Variants in FOXP2 observed in about 807,000 individuals in gnomAD.
FOXP2 encodes forkhead box protein P2.
In FOXP2, 12 loss-of-function variants were observed where a neutral mutation model predicts 115.8. The observed-to-expected ratio is 0.10, with a 90% confidence interval of 0.07 to 0.17. FOXP2 has a LOEUF of 0.17. FOXP2 is among the 10% of genes least tolerant of loss of function. FOXP2 has a pLI of 1.00. For synonymous variants in FOXP2, 328 were observed against 297.7 expected, an observed-to-expected ratio of 1.10 and a Z score of -1.05; for missense variants, 629 against 843.5, an observed-to-expected ratio of 0.75 and a Z score of 3.15.
At chr7:114,485,317 A>G (rs1206396040) in intron 2 of FOXP2, among the ~76,000 whole-genome samples, 1 of 151,948 alleles carries the variant, frequency 6.6e-6, no homozygotes, top group African/African-American at 2.4e-5. Flanking sequence ...AAAACTTCAT[A>G]TTGCTATATT....
At chr7:114,276,366 T>C (rs1477591935) in intron 1 of FOXP2, among the ~76,000 whole-genome samples, 1 of 152,142 alleles carries the variant, frequency 6.6e-6, no homozygotes, top group Non-Finnish European at 1.5e-5. Context: ...GGTTTCATCA[T>C]GTTGGCCAGG....
At chr7:114,663,408 T>C in intron 14 of FOXP2, 42 bp from the exon 15 acceptor site, 2 of 1,376,530 alleles carry the variant, frequency 1.5e-6, no homozygotes, top group Non-Finnish European at 1.0e-6. Flanking sequence ...CCACGTTTTA[T>C]ATTTTGACGT....
intron 1 of FOXP2, among the ~76,000 whole-genome samples, chr7:114,276,371 G>T (rs532903403): frequency 1.3e-5 from 2 of 152,020 alleles, no homozygotes; most frequent in South Asian, 4.2e-4. Context: ...CATCATGTTG[G>T]CCAGGCTGGT....
At chr7:114,432,328 C>A (rs756852969) in intron 2 of FOXP2, among the ~76,000 whole-genome samples, 1 of 151,980 alleles carries the variant, frequency 6.6e-6, no homozygotes, top group Non-Finnish European at 1.5e-5. Context: ...GCAAAACTCT[C>A]ATGCAAATTT....
chr7:114,202,199 G>A (rs1794085576), intron 1 of FOXP2, among the ~76,000 whole-genome samples: 1 of 152,190 alleles, frequency 6.6e-6, no homozygotes, highest in African/African-American at 2.4e-5. Context: ...ATGATATTTG[G>A]TTGAGGCTGC....
At chr7:114,517,443 T>G (rs1798401277) in intron 2 of FOXP2, among the ~76,000 whole-genome samples, 1 of 152,182 alleles carries the variant, frequency 6.6e-6, no homozygotes, top group Non-Finnish European at 1.5e-5. Context: ...AACTTTCCCC[T>G]TGTATTTTCT....
chr7:114,281,291 G>A (rs981355805), intron 1 of FOXP2, among the ~76,000 whole-genome samples: 1 of 151,480 alleles, frequency 6.6e-6, no homozygotes, highest in Non-Finnish European at 1.5e-5. Context: ...TATTAGAGAC[G>A]GAGTTTCACC....
At chr7:114,545,540 T>C (rs1183092247) in intron 3 of FOXP2, among the ~76,000 whole-genome samples, 1 of 152,180 alleles carries the variant, frequency 6.6e-6, no homozygotes, top group African/African-American at 2.4e-5. Context: ...TCAGTATATA[T>C]CTGCTACGCT....
At chr7:114,297,925 T>A (rs1796782793) in intron 2 of FOXP2, among the ~76,000 whole-genome samples, 1 of 152,206 alleles carries the variant, frequency 6.6e-6, no homozygotes, top group African/African-American at 2.4e-5. Context: ...CCAGTGCCGT[T>A]ATATTGTATA....
chr7:114,415,272 G>A lies in FOXP2; in HGVS notation c.-99G>A, dbSNP rs116320717. On this transcript the variant is annotated 5_prime_UTR_variant, in exon 1 of 17. Coordinates refer to ENST00000350908, the MANE Select transcript of FOXP2 (RefSeq NM_014491.4). Reference sequence around the variant, plus strand: ...TCTTTTTATACTGTTTTCTGTGCTGGCTTTTTTGAATCTTCCTAATTTTTC... The same window carrying A: ...TCTTTTTATACTGTTTTCTGTGCTGACTTTTTTGAATCTTCCTAATTTTTC... The A allele has an allele frequency of 3.0e-3, 1,354 of 453,722 alleles. 20 individuals carry two copies. The highest frequency in any genetic ancestry group is 0.025 in the African/African-American group (1,235 of 50,012). 28.1% of individuals were successfully genotyped at this position (453,722 alleles called of 1,614,324 possible). A position where few individuals can be genotyped will look rare whatever the true frequency, so the allele number is the denominator to read the frequency against.
At chr7:114,368,211 C>T (rs1172485559) in intron 2 of FOXP2, among the ~76,000 whole-genome samples, 2 of 152,106 alleles carry the variant, frequency 1.3e-5, no homozygotes, top group Non-Finnish European at 2.9e-5. Flanking sequence ...AAATTATACA[C>T]ATTGGTTAGT....
chr7:114,108,744 A>G (rs1334017995), intron 1 of FOXP2, among the ~76,000 whole-genome samples: 1 of 151,938 alleles, frequency 6.6e-6, no homozygotes, highest in Non-Finnish European at 1.5e-5. Flanking sequence ...TCATGTTAAC[A>G]TTGTTTTGTT....
intron 8 of FOXP2, among the ~76,000 whole-genome samples, chr7:114,646,479 T>TA (rs972049369): frequency 1.9e-4 from 29 of 152,162 alleles, no homozygotes; most frequent in African/African-American, 6.7e-4. Context: ...CAGTGTTTTT[T>TA]AAAAAACCAA....
chr7:114,481,762 C>CTA (rs1796548805), intron 2 of FOXP2, among the ~76,000 whole-genome samples: 2 of 145,272 alleles, frequency 1.4e-5, no homozygotes, highest in Admixed American at 7.0e-5. Context: ...CATATGGAAA[C>CTA]TCTATCTATC....
At chr7:114,371,159 C>T (rs1009658295) in intron 2 of FOXP2, among the ~76,000 whole-genome samples, 11 of 152,192 alleles carry the variant, frequency 7.2e-5, no homozygotes, top group African/African-American at 2.6e-4. Context: ...GGGCTAACTA[C>T]AGCCTGGTCC....
chr7:114,545,537 A>G (rs1220327348), intron 3 of FOXP2, among the ~76,000 whole-genome samples: 1 of 152,186 alleles, frequency 6.6e-6, no homozygotes, highest in Non-Finnish European at 1.5e-5. Context: ...TCCTCAGTAT[A>G]TATCTGCTAC....
chr7:114,634,745 A>G (rs1805122132), intron 6 of FOXP2, among the ~76,000 whole-genome samples: 1 of 152,124 alleles, frequency 6.6e-6, no homozygotes, highest in African/African-American at 2.4e-5. Context: ...TAGTTTATAT[A>G]TTATCTAGTA....
chr7:114,454,513 T>C (rs1332191429), intron 2 of FOXP2, among the ~76,000 whole-genome samples: 1 of 151,304 alleles, frequency 6.6e-6, no homozygotes, highest in African/African-American at 2.4e-5. Context: ...GCCATCCCAT[T>C]ACTGGGTATA....
intron 16 of FOXP2, chr7:114,668,286 T>G (rs1338071739): frequency 6.6e-6 from 1 of 152,112 alleles, no homozygotes; most frequent in African/African-American, 2.4e-5. Context: ...ATAGATATGG[T>G]CTGGTGCTTC....
Sources: allele counts gnomAD v4.1 joint callset (sites outside exome capture counted in the v4.1 genomes callset), GRCh38; gene constraint gnomAD v4.1.1; transcripts MANE v1.5; gene names NCBI Gene and HGNC (gene_info 2026-07-23, HGNC 2026-07-21).